Variants in RGPD2 observed in about 807,000 individuals in gnomAD.
The protein encoded by RGPD2 is RANBP2-like and GRIP domain-containing protein 2.
A neutral mutation model predicts 36.0 loss-of-function variants in RGPD2; 2 were observed. The observed-to-expected ratio is 0.06, with a 90% CI of 0.02 to 0.17. RGPD2 has a LOEUF of 0.17. Ranked by LOEUF, RGPD2 falls within the 10% of genes least tolerant of loss-of-function variation. The pLI, the probability that RGPD2 is intolerant of heterozygous loss-of-function variation, is 1.00. For synonymous variants in RGPD2, 19 were observed against 163.8 expected (o/e 0.12, Z 6.75); for missense variants, 40 against 464.3 (o/e 0.09, Z 8.40).
the RGPD2 span, among the ~76,000 whole-genome samples, chr2:87,864,903 C>G: frequency 6.6e-6 from 1 of 151,670 alleles, no homozygotes; most frequent in Non-Finnish European, 1.5e-5. Flanking sequence ...CTGTCTGTAC[C>G]TTGGTTTTCT....
At chr2:87,986,648 G>C in the RGPD2 span, among the ~76,000 whole-genome samples, 2 of 151,676 alleles carry the variant, frequency 1.3e-5, no homozygotes, top group East Asian at 4.0e-4. Flanking sequence ...GCGAGGTCAA[G>C]GTGGGTGGAT....
In RGPD2 at chr2:87,756,507, C is replaced by A. The variant is rs527259201; in HGVS notation, c.*885G>T. 25 of 292,606 alleles carry A rather than the reference C, an allele frequency of 8.5e-5. No homozygotes were observed. In the South Asian group the frequency reaches 1.1e-3, roughly 13 times the overall value. 18.1% of individuals were successfully genotyped at this position (292,606 alleles called of 1,614,324 possible). Reference sequence around the variant, plus strand: ...TGTTTACTTGAATATTTCCTGTAACCCCCCTGTCTGATTCCACTAGAATGT... The same window carrying A: ...TGTTTACTTGAATATTTCCTGTAACACCCCTGTCTGATTCCACTAGAATGT... On this transcript the variant is annotated 3_prime_UTR_variant, in exon 23 of 23. Coordinates refer to ENST00000398146, the MANE Select transcript of RGPD2 (RefSeq NM_001078170.3).
the RGPD2 span, among the ~76,000 whole-genome samples, chr2:87,934,541 T>G: frequency 6.7e-6 from 1 of 150,266 alleles, no homozygotes. Context: ...ATACATTTCA[T>G]TAACCATCTG....
chr2:87,824,717 C>CGCCGCCGCCGCCCGGCCAGGCCGAG (rs1269113238), intron 1 of RGPD2, among the ~76,000 whole-genome samples: 11 of 122,476 alleles, frequency 9.0e-5, no homozygotes, highest in East Asian at 8.9e-4. Flanking sequence ...AGGCCGAGGC[C>CGCCGCCGCCGCCCGGCCAGGCCGAG]GCCGCCGCCG....
chr2:87,878,670 C>T, the RGPD2 span, among the ~76,000 whole-genome samples: 2 of 152,310 alleles, frequency 1.3e-5, no homozygotes, highest in Middle Eastern at 3.4e-3. Flanking sequence ...AGTTGAACAT[C>T]AGAACTTTTA....
chr2:87,876,209 T>A, the RGPD2 span, among the ~76,000 whole-genome samples: 2 of 147,814 alleles, frequency 1.4e-5, no homozygotes, highest in African/African-American at 5.0e-5. Context: ...ATTTTTTATG[T>A]CCCCATCTCC....
the RGPD2 span, among the ~76,000 whole-genome samples, chr2:87,885,501 A>G: frequency 2.0e-5 from 3 of 151,732 alleles, no homozygotes. Flanking sequence ...TCCTAGCCAG[A>G]GCAATTAGGC....
At chr2:87,984,929 CAAAAAAAAA>C in the RGPD2 span, among the ~76,000 whole-genome samples, 1 of 68,694 alleles carries the variant, frequency 1.5e-5, no homozygotes, top group African/African-American at 5.9e-5. Flanking sequence ...CATTCTGTCT[CAAAAAAAAA>C]AAAAAAAAAA....
the RGPD2 span, among the ~76,000 whole-genome samples, chr2:87,864,886 T>G: frequency 3.3e-5 from 5 of 152,390 alleles, no homozygotes; most frequent in East Asian, 9.6e-4. Context: ...ATACAAATAT[T>G]TTCTCCCTGT....
At chr2:87,842,259 G>T in the RGPD2 span, among the ~76,000 whole-genome samples, 2 of 149,854 alleles carry the variant, frequency 1.3e-5, no homozygotes, top group Non-Finnish European at 2.9e-5. Flanking sequence ...AGGAAAATAG[G>T]AAGTCAAATT....
chr2:87,881,504 G>A, the RGPD2 span, among the ~76,000 whole-genome samples: 3 of 151,086 alleles, frequency 2.0e-5, no homozygotes, highest in Non-Finnish European at 4.4e-5. Flanking sequence ...CTGTGCACCT[G>A]CAAGATTAAC....
the RGPD2 span, among the ~76,000 whole-genome samples, chr2:87,937,978 G>A: frequency 1.1e-3 from 168 of 151,902 alleles, no homozygotes; most frequent in African/African-American, 3.9e-3. Context: ...TTTCAGTACA[G>A]CAGTGAGAGC....
the RGPD2 span, among the ~76,000 whole-genome samples, chr2:87,857,714 T>G: frequency 5.4e-4 from 80 of 148,762 alleles, no homozygotes; most frequent in African/African-American, 1.6e-3. Flanking sequence ...CAAGGTGGGC[T>G]GATCACAAAG....
chr2:87,985,768 C>G, the RGPD2 span: 4 of 1,610,106 alleles, frequency 2.5e-6, no homozygotes, highest in Middle Eastern at 4.5e-4. Context: ...AAACCCATCA[C>G]GTTCATGAGA....
the RGPD2 span, among the ~76,000 whole-genome samples, chr2:87,839,435 T>C: frequency 6.6e-6 from 1 of 152,070 alleles, no homozygotes; most frequent in African/African-American, 2.4e-5. Context: ...CCTGGGTATA[T>C]ACCCAATGGA....
the RGPD2 span, among the ~76,000 whole-genome samples, chr2:87,935,325 AC>A: frequency 6.6e-6 from 1 of 151,466 alleles, no homozygotes; most frequent in African/African-American, 2.4e-5. Context: ...TGAAAAAAAA[AC>A]AACAAAGATA....
At chr2:87,967,520 T>A in the RGPD2 span, among the ~76,000 whole-genome samples, 5 of 149,936 alleles carry the variant, frequency 3.3e-5, no homozygotes, top group African/African-American at 1.3e-4. Flanking sequence ...TACTGAACAT[T>A]AATCTAGAAA....
chr2:87,929,487 ATGTGTGTG>A, the RGPD2 span, among the ~76,000 whole-genome samples: 7 of 136,986 alleles, frequency 5.1e-5, no homozygotes, highest in African/African-American at 1.1e-4. Context: ...GTGTGTGTGT[ATGTGTGTG>A]TGTGTGTGTG....
At chr2:87,982,251 A>G in the RGPD2 span, among the ~76,000 whole-genome samples, 3 of 37,450 alleles carry the variant, frequency 8.0e-5, 1 homozygote, top group Admixed American at 2.1e-4. Context: ...ATCAAATATT[A>G]CTTATTTGTT....
Sources: gnomAD v4.1 joint callset for allele counts (sites outside exome capture counted in the v4.1 genomes callset) on GRCh38, gnomAD v4.1.1 for gene constraint, MANE v1.5 for transcripts, NCBI Gene and HGNC (gene_info 2026-07-23, HGNC 2026-07-21) for gene names.